The following PIEZO2 variants were observed in gnomAD, a reference collection of about 807,000 sequenced individuals.
The protein encoded by PIEZO2 is piezo-type mechanosensitive ion channel component 2.
A neutral mutation model predicts 337.3 loss-of-function variants in PIEZO2; 172 were observed. The ratio of observed to expected loss-of-function variants is 0.51; its 90% CI spans 0.45 to 0.58. PIEZO2 has a LOEUF of 0.58. Among genes scored for constraint, PIEZO2 ranks in the 20% least tolerant of loss-of-function variants. The probability of loss-of-function intolerance (pLI) is 0.00; values close to 1 mark genes in which losing one functional copy is unlikely to be tolerated. For synonymous variants in PIEZO2, 1,251 were observed against 1,228.5 expected, an observed-to-expected ratio of 1.02 and a Z score of -0.38; for missense variants, 3,028 against 3,391.3, an observed-to-expected ratio of 0.89 and a Z score of 2.66.
At chr18:10,925,646 C>A (rs918986299) in intron 3 of PIEZO2, among the ~76,000 whole-genome samples, 1 of 152,178 alleles carries the variant, frequency 6.6e-6, no homozygotes. Flanking sequence ...GTGGCTCAAT[C>A]TCAGCTCACT....
At chr18:11,018,189 G>A (rs759005955) in intron 2 of PIEZO2, among the ~76,000 whole-genome samples, 1 of 150,036 alleles carries the variant, frequency 6.7e-6, no homozygotes, top group Non-Finnish European at 1.5e-5. Flanking sequence ...CTCAGTCATC[G>A]CATGGTGGTG....
rs1476941172 is a variant in PIEZO2 at position 10,748,543 on chromosome 18, C to T, written c.4352G>A (p.Arg1451Lys). 1 of 1,536,800 alleles carries T rather than the reference C, an allele frequency of 6.5e-7. No homozygotes were observed. The highest frequency in any genetic ancestry group is 8.7e-7 in the Non-Finnish European group (1 of 1,146,732). The part of the protein sequence containing the change: ...SICFAFLLLQ[R>K]RVFMSYYFLH... ...AAAATAATAACTCATGAAAACTCTT[C>T]TTTGCAGCAGGAGGAAGGCAAAACA... The change falls in exon 30 of 56, where the codon AGA becomes AAA. Residue 1451 changes from arginine to lysine, a missense_variant. Transcript: ENST00000674853. This position sits in a 1 kb window ranked among gnomAD's most constrained non-coding sequence, Gnocchi z 5.1.
intron 3 of PIEZO2, among the ~76,000 whole-genome samples, chr18:10,939,909 A>T (rs1451834820): frequency 6.6e-6 from 1 of 152,188 alleles, no homozygotes; most frequent in African/African-American, 2.4e-5. Flanking sequence ...CATTCTGCAC[A>T]TGTATCCCGT....
At position 11,099,508 on chromosome 18, in the gene PIEZO2, C is replaced by T. The variant is rs1028404172; in HGVS notation, c.65-33286G>A. ...TTGAGACAGAGTCTCACTTTGTCGC[C>T]CAGGTTGGTATGCAATGGCATGATC... On this transcript the variant is annotated intron_variant, in intron 1 of 55. Coordinates refer to ENST00000674853, the MANE Select transcript of PIEZO2 (RefSeq NM_001378183.1). The surrounding 1 kb of genome is among the most constrained non-coding windows in gnomAD (Gnocchi z 5.4). 6.6e-6 allele frequency among the ~76,000 whole-genome samples: 1 copy of T among 152,076 alleles called. No homozygotes were observed. The highest frequency in any genetic ancestry group is 2.4e-5 in the African/African-American group (1 of 41,408).
chr18:10,992,028 C>T (rs1458706803), intron 2 of PIEZO2, among the ~76,000 whole-genome samples: 1 of 152,158 alleles, frequency 6.6e-6, no homozygotes, highest in Non-Finnish European at 1.5e-5. Context: ...TAAATGTCTT[C>T]TTTCTAGACG....
intron 2 of PIEZO2, among the ~76,000 whole-genome samples, chr18:11,053,291 C>A (rs1345151264): frequency 6.6e-6 from 1 of 152,092 alleles, no homozygotes; most frequent in African/African-American, 2.4e-5. Flanking sequence ...ACCAAAAAAA[C>A]CTTGCAAATT....
At chr18:10,995,907 C>G (rs565872314) in intron 2 of PIEZO2, among the ~76,000 whole-genome samples, 16 of 152,106 alleles carry the variant, frequency 1.1e-4, no homozygotes, top group Middle Eastern at 6.8e-3. Flanking sequence ...ATAAAATGCC[C>G]TCAGGAAAAA....
intron 1 of PIEZO2, among the ~76,000 whole-genome samples, chr18:11,103,808 T>TGTGTGC (rs932951857): frequency 6.0e-5 from 8 of 134,112 alleles, no homozygotes; most frequent in African/African-American, 8.7e-5. Flanking sequence ...TGTGTGTGTG[T>TGTGTGC]GCGTGTGTGC....
chr18:10,773,625 C>A lies in PIEZO2; in HGVS notation c.2572G>T (p.Ala858Ser). The A allele has an allele frequency of 6.5e-7, 1 of 1,537,158 alleles. No homozygotes were observed. Among genetic ancestry groups the A allele is most frequent in the South Asian group, 1.2e-5 (1 of 84,046 alleles). ...KKLPIHQNEL[A>S]HPEGSLPDLT... is the part of the protein sequence containing the mutation. ...TCCGGGAGGCTTCCTTCCGGGTGGG[C>A]CAGTCTGTTGGCAGAGAGCAGCTGA... Residue 858 changes from alanine to serine, a missense_variant, in exon 20 of 56, where the codon GCC (alanine) becomes TCC (serine). Transcript: ENST00000674853. The surrounding 1 kb of genome is among the most constrained non-coding windows in gnomAD (Gnocchi z 5.3).
At position 10,750,575 on chromosome 18, in the gene PIEZO2, C is replaced by G. The variant is rs1355596582; in HGVS notation, c.4168-388G>C. ...AAGCCAGACACATATAACCTATGCT[C>G]TTCCCTGGAGGTCATCCCAGACCTA... On this transcript the variant is annotated intron_variant, in intron 28 of 55. Transcript: ENST00000674853. The surrounding 1 kb of genome is among the most constrained non-coding windows in gnomAD (Gnocchi z 4.1). 2.6e-5 allele frequency among the ~76,000 whole-genome samples: 4 copies of G among 152,178 alleles called. No homozygotes were observed. Among genetic ancestry groups the G allele is most frequent in the Admixed American group, 2.6e-4 (4 of 15,274 alleles).
intron 36 of PIEZO2, among the ~76,000 whole-genome samples, chr18:10,720,363 C>CTGTGTGTG (rs58927900): frequency 1.8e-5 from 1 of 56,298 alleles, no homozygotes; most frequent in South Asian, 7.9e-4. Context: ...TATATATATT[C>CTGTGTGTG]TGTGTGTGTG....
intron 5 of PIEZO2, among the ~76,000 whole-genome samples, chr18:10,866,988 G>C (rs915002613): frequency 1.3e-5 from 2 of 152,206 alleles, no homozygotes; most frequent in Admixed American, 6.5e-5. Flanking sequence ...TTAAGGACCA[G>C]CAAAGGGAGT....
In PIEZO2 at chr18:10,855,444, C is replaced by CCAGCAGAACACAGAGA; in HGVS notation, c.810_825dup (p.Ala276SerfsTer32). The CCAGCAGAACACAGAGA allele has an allele frequency of 6.5e-7, 1 of 1,537,136 alleles. No homozygotes were observed. Among genetic ancestry groups the CCAGCAGAACACAGAGA allele is most frequent in the Non-Finnish European group, 8.7e-7 (1 of 1,146,850 alleles). Reference sequence around the variant, plus strand: ...ATCAAATGTCCAGCAGTGAAAATAGCCAGCAGAACACAGAGACAGCTGAAC... The same window carrying CCAGCAGAACACAGAGA: ...ATCAAATGTCCAGCAGTGAAAATAGCCAGCAGAACACAGAGACAGCAGAACACAGAGACAGCTGAAC... On this transcript the variant is annotated frameshift_variant, in exon 7 of 56. Coordinates refer to ENST00000674853, the MANE Select transcript of PIEZO2 (RefSeq NM_001378183.1). LOFTEE classifies it high-confidence loss of function. This position sits in a 1 kb window ranked among gnomAD's most constrained non-coding sequence, Gnocchi z 4.9.
intron 1 of PIEZO2, among the ~76,000 whole-genome samples, chr18:11,091,300 CTTGACCCCGGGAGGCGGAGG>C (rs1361408145): frequency 6.6e-6 from 1 of 150,386 alleles, no homozygotes; most frequent in Non-Finnish European, 1.5e-5. Context: ...AGGAGAATCA[CTTGACCCCGGGAGGCGGAGG>C]TTGCAGTGAG....
intron 3 of PIEZO2, among the ~76,000 whole-genome samples, chr18:10,936,260 T>A (rs930168788): frequency 6.6e-6 from 1 of 152,220 alleles, no homozygotes; most frequent in African/African-American, 2.4e-5. Context: ...ATCTGAGTTC[T>A]GAAATTGCAA....
intron 1 of PIEZO2, among the ~76,000 whole-genome samples, chr18:11,090,124 G>A (rs956242566): frequency 6.6e-6 from 1 of 152,178 alleles, no homozygotes; most frequent in Admixed American, 6.5e-5. Context: ...TCAGCTCAGC[G>A]CAAGGTTCCT....
rs553468980 is a variant in PIEZO2, at chr18:10,940,289, T to C, written c.287-29061A>G. Among the ~76,000 whole-genome samples the C allele has an allele frequency of 9.6e-4, 146 of 152,372 alleles. No individual in the cohort carries two copies. The highest frequency in any genetic ancestry group is 3.3e-3 in the African/African-American group (138 of 41,592). On this transcript the variant is annotated intron_variant, in intron 3 of 55. Coordinates refer to ENST00000674853, the MANE Select transcript of PIEZO2 (RefSeq NM_001378183.1). The surrounding 1 kb of genome is among the most constrained non-coding windows in gnomAD (Gnocchi z 5.3). ...GCATGAATTGGTAATAAAAATCTAG[T>C]GAGCTCTTCCTCTTCACCCTAACAG...
chr18:11,039,261 C>T (rs530923684), intron 2 of PIEZO2, among the ~76,000 whole-genome samples: 2 of 152,320 alleles, frequency 1.3e-5, no homozygotes, highest in Admixed American at 1.3e-4. Flanking sequence ...AGATAACACA[C>T]ATGCATTGAC....
chr18:10,671,380 C>T lies in PIEZO2; in HGVS notation c.*147G>A, dbSNP rs891133052. 3 of 817,794 alleles carry T rather than the reference C, an allele frequency of 3.7e-6. No individual in the cohort carries two copies. Among genetic ancestry groups the T allele is most frequent in the Non-Finnish European group, 1.8e-6 (1 of 551,914 alleles). 50.7% of individuals were successfully genotyped at this position (817,794 alleles called of 1,614,324 possible). On this transcript the variant is annotated 3_prime_UTR_variant, in exon 56 of 56. Coordinates refer to ENST00000674853, the MANE Select transcript of PIEZO2 (RefSeq NM_001378183.1). ...TTAACTTGCAAGGTAGCTTTTACTG[C>T]AGAAGGATATCAGCTCCTTTTGTCT... is the stretch of plus-strand genomic sequence containing the variant.
Sources: gnomAD v4.1 joint callset for allele counts (sites outside exome capture counted in the v4.1 genomes callset) on GRCh38, gnomAD v4.1.1 for gene constraint, Gnocchi (gnomAD v3.1) non-coding constraint, MANE v1.5 for transcripts, NCBI Gene and HGNC (gene_info 2026-07-23, HGNC 2026-07-21) for gene names.